The following SEPTIN9 variants were observed in gnomAD, a reference collection of about 807,000 sequenced individuals.
The protein encoded by SEPTIN9 is septin-9.
Under a neutral mutation model 56.6 loss-of-function variants are expected in SEPTIN9, and 13 were observed. The ratio of observed to expected loss-of-function variants is 0.23; its 90% CI spans 0.15 to 0.37. SEPTIN9 has a LOEUF of 0.37. SEPTIN9 is among the 10% of genes least tolerant of loss of function. The pLI is 1.00. For missense variants in SEPTIN9, 650 were observed against 823.1 expected (o/e 0.79, Z 2.57); for synonymous variants, 332 against 334.1 (o/e 0.99, Z 0.07).
At chr17:77,312,466 G>T (rs2143619929) in intron 2 of SEPTIN9, among the ~76,000 whole-genome samples, 1 of 150,630 alleles carries the variant, frequency 6.6e-6, no homozygotes, top group East Asian at 2.0e-4. Context: ...CCTCTGGAAA[G>T]CAGGGCTTCC....
At position 77,397,080 on chromosome 17, in the gene SEPTIN9, A is replaced by G. The variant is rs148152532; in HGVS notation, c.77-4979A>G. On this transcript the variant is annotated intron_variant, in intron 2 of 11. Transcript: ENST00000427177. ...GTGCAGCCAGGGGTTTCATCTTCCC[A>G]GGGGTCTCGTTGTGAGTGTCCTGGG... The G allele has an allele frequency of 2.3e-4, 35 of 154,940 alleles. No homozygotes were observed. The East Asian group carries it at 4.6e-3, about 21-fold the overall frequency. 9.6% of individuals were successfully genotyped at this position (154,940 alleles called of 1,614,324 possible). A position where few individuals can be genotyped will look rare whatever the true frequency, so the allele number is the denominator to read the frequency against.
intron 1 of SEPTIN9, among the ~76,000 whole-genome samples, chr17:77,298,910 C>A (rs1417155971): frequency 7.2e-5 from 11 of 152,216 alleles, no homozygotes; most frequent in African/African-American, 2.7e-4. Flanking sequence ...AACTTCTGGG[C>A]TCAAGTGATT....
chr17:77,495,180 A>G lies in SEPTIN9; in HGVS notation c.1573+2104A>G, dbSNP rs1352435666. 1.2e-3 allele frequency among the ~76,000 whole-genome samples: 75 copies of G among 64,280 alleles called. 1 individual carries two copies. Among genetic ancestry groups the G allele is most frequent in the Non-Finnish European group, 1.8e-3 (29 of 16,494 alleles). The allele number at this position is 64,280 out of a possible 152,430, so 42.2% of individuals were successfully genotyped here. A position where few individuals can be genotyped will look rare whatever the true frequency, so the allele number is the denominator to read the frequency against. ...TGACAGAAACTGTCAGGAAATGCACAAGAGAGAGGTCCCCGCACCTCTCTG... is the reference window on the plus strand; with the variant it reads ...TGACAGAAACTGTCAGGAAATGCACGAGAGAGAGGTCCCCGCACCTCTCTG... On this transcript the variant is annotated intron_variant, in intron 10 of 11. Transcript: ENST00000427177.
At chr17:77,415,767 C>T (rs1490470387) in intron 3 of SEPTIN9, among the ~76,000 whole-genome samples, 14 of 152,222 alleles carry the variant, frequency 9.2e-5, no homozygotes, top group Non-Finnish European at 1.6e-4. Context: ...CCAAGGCACA[C>T]GAGGGAAGCA....
rs751862077 is a variant in SEPTIN9 at position 77,487,578 on chromosome 17, G to T, written c.1042+26G>T. ...GTCAGTGGCCGGGAGTGGGCTGGGGGTGCAGGACGCCCCTGCCTTCCTGGA... is the reference window on the plus strand; with the variant it reads ...GTCAGTGGCCGGGAGTGGGCTGGGGTTGCAGGACGCCCCTGCCTTCCTGGA... On this transcript the variant is annotated intron_variant, in intron 5 of 11. Coordinates refer to ENST00000427177, the MANE Select transcript of SEPTIN9 (RefSeq NM_001113491.2). This position sits in a 1 kb window ranked among gnomAD's most constrained non-coding sequence, Gnocchi z 4.3. 5 of 1,605,918 alleles carry T rather than the reference G, an allele frequency of 3.1e-6. No individual in the cohort carries two copies. The highest frequency in any genetic ancestry group is 3.4e-6 in the Non-Finnish European group (4 of 1,176,718).
chr17:77,384,037 A>C (rs897974737), intron 2 of SEPTIN9, among the ~76,000 whole-genome samples: 2 of 152,198 alleles, frequency 1.3e-5, no homozygotes, highest in African/African-American at 4.8e-5. Flanking sequence ...GAGAGGGGAC[A>C]ATGATGGGCA....
rs1336066999 is a variant in SEPTIN9, at chr17:77,476,788, T to TG, written c.722-5351dup. 2.0e-5 allele frequency among the ~76,000 whole-genome samples: 3 copies of TG among 152,176 alleles called. No individual in the cohort carries two copies. The highest frequency in any genetic ancestry group is 7.2e-5 in the African/African-American group (3 of 41,444). On this transcript the variant is annotated intron_variant, in intron 3 of 11. Coordinates refer to ENST00000427177, the MANE Select transcript of SEPTIN9 (RefSeq NM_001113491.2). This position sits in a 1 kb window ranked among gnomAD's most constrained non-coding sequence, Gnocchi z 6.0. The stretch of plus-strand genomic sequence containing the variant: ...TAGAAACACCCTTGCTGCAAGAAGA[T>TG]GGGGGAGTTTGTCTGGGGCATGGTC...
At chr17:77,430,477 C>T (rs1021399767) in intron 3 of SEPTIN9, among the ~76,000 whole-genome samples, 1 of 152,094 alleles carries the variant, frequency 6.6e-6, no homozygotes, top group Non-Finnish European at 1.5e-5. Context: ...CTACAGCCAG[C>T]GGCCGATCAC....
chr17:77,401,661 G>C (rs546451850), intron 2 of SEPTIN9, among the ~76,000 whole-genome samples: 2 of 151,962 alleles, frequency 1.3e-5, no homozygotes, highest in Non-Finnish European at 2.9e-5. Flanking sequence ...TAGGAGAATC[G>C]CTTGAACCCG....
intron 7 of SEPTIN9, among the ~76,000 whole-genome samples, 189 bp downstream of exon 7, chr17:77,489,053 GC>G (rs1202629595): frequency 9.7e-6 from 1 of 102,872 alleles, no homozygotes; most frequent in African/African-American, 5.4e-5. Flanking sequence ...TGACCCCTAT[GC>G]AAGTGTCCTG....
intron 3 of SEPTIN9, among the ~76,000 whole-genome samples, chr17:77,411,404 T>C (rs1010662202): frequency 9.2e-5 from 14 of 151,818 alleles, no homozygotes; most frequent in African/African-American, 2.9e-4. Flanking sequence ...TTTCTTTTTT[T>C]TTTTTTTTGA....
intron 3 of SEPTIN9, among the ~76,000 whole-genome samples, chr17:77,443,666 G>A (rs900664496): frequency 1.3e-5 from 2 of 151,950 alleles, no homozygotes; most frequent in South Asian, 2.1e-4. Flanking sequence ...GCGTGGCGGC[G>A]CATGCTTGTA....
intron 3 of SEPTIN9, among the ~76,000 whole-genome samples, chr17:77,412,316 T>C (rs2036333221): frequency 6.6e-6 from 1 of 152,080 alleles, no homozygotes; most frequent in African/African-American, 2.4e-5. Context: ...TGCTCTCCAA[T>C]TGGTGTTTTA....
chr17:77,487,654 G>A lies in SEPTIN9; in HGVS notation c.1042+102G>A, dbSNP rs191115233. ...TCACACACAGTCAGTGGCCAGGGGC[G>A]GGCTGGGGGTGCAGGACTCCTCTGC... On this transcript the variant is annotated intron_variant, in intron 5 of 11. Transcript: ENST00000427177. This position sits in a 1 kb window ranked among gnomAD's most constrained non-coding sequence, Gnocchi z 4.3. 4.0e-3 allele frequency: 3,583 copies of A among 887,876 alleles called. 740 individuals carry two copies. The highest frequency in any genetic ancestry group is 5.0e-3 in the Non-Finnish European group (3,238 of 642,866). The allele number at this position is 887,876 out of a possible 1,614,324, so 55.0% of individuals were successfully genotyped here. A position where few individuals can be genotyped will look rare whatever the true frequency, so the allele number is the denominator to read the frequency against.
At chr17:77,324,769 C>T (rs2033067805) in intron 2 of SEPTIN9, among the ~76,000 whole-genome samples, 1 of 151,302 alleles carries the variant, frequency 6.6e-6, no homozygotes, top group Admixed American at 6.6e-5. Flanking sequence ...GATTTGCTGC[C>T]ATTCCATGGA....
chr17:77,373,315 C>T (rs963814698), intron 2 of SEPTIN9: 52 of 1,160,120 alleles, frequency 4.5e-5, no homozygotes, highest in Non-Finnish European at 5.2e-5. Flanking sequence ...CGGGGAGGGG[C>T]CGGCGCCCGC....
chr17:77,351,959 C>T (rs1024028554), intron 2 of SEPTIN9, among the ~76,000 whole-genome samples: 18 of 152,292 alleles, frequency 1.2e-4, no homozygotes, highest in Middle Eastern at 3.4e-3. Flanking sequence ...TGACCAGAGC[C>T]GGGGTGAGCA....
At chr17:77,483,628 GGAACCTCTGC>G (rs1213171006) in intron 4 of SEPTIN9, 1 of 152,266 alleles carries the variant, frequency 6.6e-6, no homozygotes, top group East Asian at 1.9e-4. Flanking sequence ...GAAGGACCTG[GGAACCTCTGC>G]GTCCCAGCCA....
rs758254499 is a variant in SEPTIN9, at chr17:77,475,486, C to T, written c.722-6658C>T. The T allele has an allele frequency of 3.1e-6, 5 of 1,595,060 alleles. No individual in the cohort carries two copies. The South Asian group carries it at 3.4e-5, about 11-fold the overall frequency. ...AAGCCCCTTTGTGGGGGACAGGGAGCATCTGTTAGTTTATAGGACCTGAAG... is the reference window on the plus strand; with the variant it reads ...AAGCCCCTTTGTGGGGGACAGGGAGTATCTGTTAGTTTATAGGACCTGAAG... On this transcript the variant is annotated intron_variant, in intron 3 of 11. Coordinates refer to ENST00000427177, the MANE Select transcript of SEPTIN9 (RefSeq NM_001113491.2). This position sits in a 1 kb window ranked among gnomAD's most constrained non-coding sequence, Gnocchi z 4.6.
Sources: gnomAD v4.1 joint callset for allele counts (sites outside exome capture counted in the v4.1 genomes callset) on GRCh38, gnomAD v4.1.1 for gene constraint, Gnocchi (gnomAD v3.1) non-coding constraint, MANE v1.5 for transcripts, NCBI Gene and HGNC (gene_info 2026-07-23, HGNC 2026-07-21) for gene names.